The following CUL9 variants were observed in gnomAD, a reference collection of about 807,000 sequenced individuals.
CUL9 encodes cullin-9.
CUL9 carries 79 observed loss-of-function variants against 272.6 expected under a neutral mutation model. The ratio of observed to expected loss-of-function variants is 0.29; its 90% CI spans 0.24 to 0.35. The LOEUF is 0.35. Among genes scored for constraint, CUL9 ranks in the 10% least tolerant of loss-of-function variants. CUL9 has a pLI of 1.00. For synonymous variants in CUL9, 1,186 were observed against 1,286.5 expected (o/e 0.92, Z 1.67); for missense variants, 2,532 against 3,255.6 (o/e 0.78, Z 5.41).
chr6:43,197,169 C>G (rs1444377105), intron 11 of CUL9, among the ~76,000 whole-genome samples: 2 of 152,110 alleles, frequency 1.3e-5, no homozygotes, highest in Non-Finnish European at 2.9e-5. Flanking sequence ...GCCTCAGCCT[C>G]CTGTGTAGCT....
In CUL9 at chr6:43,200,128, C is replaced by T. The variant is rs1350586526; in HGVS notation, c.3356C>T (p.Thr1119Ile). Residue 1119 changes from threonine (T) to isoleucine (I), a missense_variant, in exon 14 of 41, where the codon ACC (threonine) becomes ATC (isoleucine). Around this residue, in one of 3 missense-constraint regions of CUL9, gnomAD observed 2,218 missense variants for 2,788.6 expected, o/e 0.80. Transcript: ENST00000252050. The surrounding 1 kb of genome is among the most constrained non-coding windows in gnomAD (Gnocchi z 4.0). ...EKYAQLYSNL[T>I]SSILAGCIQM... Reference sequence around the variant, plus strand: ...TACGCACAGCTCTATAGCAACCTCACCTCCAGCATCCTGGCCGGCTGCATT... The same window carrying T: ...TACGCACAGCTCTATAGCAACCTCATCTCCAGCATCCTGGCCGGCTGCATT... The T allele has an allele frequency of 1.9e-6, 3 of 1,614,058 alleles. No individual in the cohort carries two copies. Among genetic ancestry groups the T allele is most frequent in the Admixed American group, 1.7e-5 (1 of 60,012 alleles).
At chr6:43,186,892 T>G in intron 4 of CUL9, 68 bp from the exon 5 acceptor site, 1 of 1,575,234 alleles carries the variant, frequency 6.3e-7, no homozygotes, top group East Asian at 2.2e-5. Flanking sequence ...CTTTCAAGCC[T>G]TCACAGGCCA....
rs1035797129 is a variant in CUL9 at position 43,203,557 on chromosome 6, A to G, written c.3990A>G (p.Ala1330=). ...IRAQAWSRDI[A]EDHRRLLQLC... Reference sequence around the variant, plus strand: ...CACAAGCCTGGAGCCGGGACATAGCAGAGGACCACCGGCGCCTCCTCCAGC... The same window carrying G: ...CACAAGCCTGGAGCCGGGACATAGCGGAGGACCACCGGCGCCTCCTCCAGC... Residue 1330 remains alanine (A), a synonymous_variant, in exon 19 of 41, where the codon GCA becomes GCG. Coordinates refer to ENST00000252050, the MANE Select transcript of CUL9 (RefSeq NM_015089.4). This position sits in a 1 kb window ranked among gnomAD's most constrained non-coding sequence, Gnocchi z 5.0. 1.9e-6 allele frequency: 3 copies of G among 1,613,806 alleles called. No individual in the cohort carries two copies. The highest frequency in any genetic ancestry group is 2.5e-6 in the Non-Finnish European group (3 of 1,179,994).
chr6:43,215,346 C>T lies in CUL9; in HGVS notation c.5936+20C>T. 6.3e-7 allele frequency: 1 copy of T among 1,585,628 alleles called. No homozygotes were observed. Among genetic ancestry groups the T allele is most frequent in the South Asian group, 1.1e-5 (1 of 88,238 alleles). On this transcript the variant is annotated intron_variant, in intron 30 of 40. Coordinates refer to ENST00000252050, the MANE Select transcript of CUL9 (RefSeq NM_015089.4). ...GCCCAGGTAGCCACTGCACCTGACC[C>T]CTTGCAGTGAGGCGGGAGAGGTGGT... is the stretch of plus-strand genomic sequence containing the variant.
chr6:43,194,736 T>C (rs1773847772), intron 9 of CUL9, among the ~76,000 whole-genome samples: 1 of 151,860 alleles, frequency 6.6e-6, no homozygotes, highest in South Asian at 2.1e-4. Context: ...GCAATTGCCA[T>C]CCACTATAGA....
In CUL9 at chr6:43,200,430, C is replaced by T. The variant is rs376671268; in HGVS notation, c.3385-6C>T. 5.1e-5 allele frequency: 83 copies of T among 1,614,008 alleles called. No individual in the cohort carries two copies. In the Middle Eastern group the frequency reaches 1.6e-3, roughly 32 times the overall value. On this transcript the variant is annotated splice_polypyrimidine_tract_variant and splice_region_variant and intron_variant, in intron 14 of 40. Transcript: ENST00000252050. The surrounding 1 kb of genome is among the most constrained non-coding windows in gnomAD (Gnocchi z 4.0). The stretch of plus-strand genomic sequence containing the variant: ...TTCCTCATTCTCCCTGATGTTCCGG[C>T]TGCAGATGGTGCTGGGCCAGATCGA...
At chr6:43,211,540 A>G (rs1775486614) in intron 26 of CUL9, among the ~76,000 whole-genome samples, 1 of 152,250 alleles carries the variant, frequency 6.6e-6, no homozygotes, top group African/African-American at 2.4e-5. Context: ...CCTGGGGGAC[A>G]GAGTGAGACT....
intron 31 of CUL9, among the ~76,000 whole-genome samples, chr6:43,219,471 A>G (rs1361635858): frequency 2.6e-5 from 4 of 152,120 alleles, no homozygotes; most frequent in Non-Finnish European, 5.9e-5. Context: ...ATTCAGAGAA[A>G]ATTTTCCCTG....
chr6:43,214,700 C>T (rs1036552090), intron 29 of CUL9, among the ~76,000 whole-genome samples: 7 of 151,750 alleles, frequency 4.6e-5, no homozygotes, highest in African/African-American at 1.7e-4. Flanking sequence ...ACTTGGGAGG[C>T]TGAGGCGGTA....
chr6:43,200,642 C>T lies in CUL9; in HGVS notation c.3476-21C>T. On this transcript the variant is annotated intron_variant, in intron 15 of 40. Transcript: ENST00000252050. The surrounding 1 kb of genome is among the most constrained non-coding windows in gnomAD (Gnocchi z 4.0). Reference sequence around the variant, plus strand: ...TCAACTAACCTAGCTGTGACTGCCACCCCTTCCCACTTGCCCCCAGGCTCC... The same window carrying T: ...TCAACTAACCTAGCTGTGACTGCCATCCCTTCCCACTTGCCCCCAGGCTCC... 6.2e-7 allele frequency: 1 copy of T among 1,614,146 alleles called. No homozygotes were observed. Among genetic ancestry groups the T allele is most frequent in the South Asian group, 1.1e-5 (1 of 91,084 alleles).
intron 29 of CUL9, among the ~76,000 whole-genome samples, chr6:43,214,731 G>T (rs1775790331): frequency 6.6e-6 from 1 of 151,998 alleles, no homozygotes; most frequent in African/African-American, 2.4e-5. Context: ...AACCCAGGAG[G>T]CAGAGATTGC....
chr6:43,186,387 T>G lies in CUL9; in HGVS notation c.1183T>G (p.Tyr395Asp). 6.2e-7 allele frequency: 1 copy of G among 1,613,442 alleles called. No homozygotes were observed. Among genetic ancestry groups the G allele is most frequent in the Non-Finnish European group, 8.5e-7 (1 of 1,179,520 alleles). ...GATGCGAGTGCGGATGCTGGATGATTATGAGGAGATCAGTGCTGGGGACGA... is the reference window on the plus strand; with the variant it reads ...GATGCGAGTGCGGATGCTGGATGATGATGAGGAGATCAGTGCTGGGGACGA... ...PGMRVRMLDD[Y>D]EEISAGDEGE... is the part of the protein sequence containing the mutation. Residue 395 changes from tyrosine (Y) to aspartate (D), a missense_variant, in exon 4 of 41, where the codon TAT becomes GAT. Around this residue, in one of 3 missense-constraint regions of CUL9, gnomAD observed 2,218 missense variants for 2,788.6 expected, o/e 0.80. Coordinates refer to ENST00000252050, the MANE Select transcript of CUL9 (RefSeq NM_015089.4).
At chr6:43,186,575 T>G in intron 4 of CUL9, 120 bp downstream of exon 4, 2 of 1,386,992 alleles carry the variant, frequency 1.4e-6, no homozygotes, top group South Asian at 1.4e-5. Context: ...GGAATTGGAA[T>G]GATACAAGGG....
In CUL9 at chr6:43,223,300, C is replaced by G. The variant is rs148110970; in HGVS notation, c.7187C>G (p.Ser2396Cys). The G allele has an allele frequency of 9.4e-6, 15 of 1,600,190 alleles. No individual in the cohort carries two copies. Among genetic ancestry groups the G allele is most frequent in the Non-Finnish European group, 1.1e-5 (13 of 1,173,626 alleles). Residue 2396 changes from serine to cysteine, a missense_variant, in exon 39 of 41, where the codon TCC becomes TGC. By Grantham distance (112) the Ser-to-Cys change is moderately radical (BLOSUM62 -1). Transcript: ENST00000252050. This position sits in a 1 kb window ranked among gnomAD's most constrained non-coding sequence, Gnocchi z 4.1. ...CTGCGGTGCAGAGACCTGGCCTCCT[C>G]CCTGCGCCTCCTGCGGGCCGACTGC... is the stretch of plus-strand genomic sequence containing the variant. Reference protein sequence around the residue: ...TLLRCRDLASSLRLLRADCLS... With the variant: ...TLLRCRDLASCLRLLRADCLS...
rs763545834 is a variant in CUL9 at position 43,206,166 on chromosome 6, G to C, written c.4953G>C (p.Gln1651His). 2 of 1,613,744 alleles carry C rather than the reference G, an allele frequency of 1.2e-6. No homozygotes were observed. Among genetic ancestry groups the C allele is most frequent in the African/African-American group, 2.7e-5 (2 of 74,906 alleles). The change falls in exon 25 of 41, where the codon CAG (glutamine) becomes CAC (histidine). Residue 1651 changes from glutamine to histidine, a missense_variant. Gln to His is a conservative substitution (Grantham distance 24). Transcript: ENST00000252050. This position sits in a 1 kb window ranked among gnomAD's most constrained non-coding sequence, Gnocchi z 4.8. ...EELQRQFHLF[Q>H]LQRLDKLFLE... ...TGCAGCGCCAGTTCCACCTCTTCCA[G>C]CTCCAGCGGCTCGACAAGTTGTTCT...
chr6:43,193,911 A>G (rs1320816131), intron 9 of CUL9, among the ~76,000 whole-genome samples: 1 of 152,214 alleles, frequency 6.6e-6, no homozygotes, highest in Non-Finnish European at 1.5e-5. Context: ...TGTGACCATT[A>G]AACCAAAAGT....
rs547759406 is a variant in CUL9, at chr6:43,183,410, A to T, written c.-9-892A>T. On this transcript the variant is annotated intron_variant, in intron 1 of 40. Transcript: ENST00000252050. The stretch of plus-strand genomic sequence containing the variant: ...AACATCCCAGCCTTTTGTCATCTCC[A>T]TTCTCTATATCTGCCATGGCCCACC... Among the ~76,000 whole-genome samples, 4 of 151,946 alleles carry T rather than the reference A, an allele frequency of 2.6e-5. No individual in the cohort carries two copies. In the South Asian group the frequency reaches 6.2e-4, roughly 24 times the overall value.
chr6:43,224,481 G>C lies in CUL9; in HGVS notation c.*36G>C, dbSNP rs1473086348. The C allele has an allele frequency of 1.1e-5, 18 of 1,586,208 alleles. No homozygotes were observed. The highest frequency in any genetic ancestry group is 1.5e-5 in the Non-Finnish European group (18 of 1,162,528). On this transcript the variant is annotated 3_prime_UTR_variant, in exon 41 of 41. Transcript: ENST00000252050. This position sits in a 1 kb window ranked among gnomAD's most constrained non-coding sequence, Gnocchi z 4.2. Reference sequence around the variant, plus strand: ...GCAGGAAACACCTAGAGCAGCCCCAGAGTCACGGGGCTGAGGGGGCGGGAG... The same window carrying C: ...GCAGGAAACACCTAGAGCAGCCCCACAGTCACGGGGCTGAGGGGGCGGGAG...
At chr6:43,212,339 C>T (rs1324619820) in intron 26 of CUL9, among the ~76,000 whole-genome samples, 6 of 152,212 alleles carry the variant, frequency 3.9e-5, no homozygotes, top group Non-Finnish European at 7.3e-5. Flanking sequence ...GCAGGCATTT[C>T]TACCATTGCT....
Sources: allele counts gnomAD v4.1 joint callset (sites outside exome capture counted in the v4.1 genomes callset), GRCh38; gene constraint gnomAD v4.1.1; regional missense constraint gnomAD v4.1.1; non-coding constraint Gnocchi (gnomAD v3.1); transcripts MANE v1.5; gene names NCBI Gene and HGNC (gene_info 2026-07-23, HGNC 2026-07-21).